Variants in PARP8 observed in about 807,000 individuals in gnomAD.
The protein encoded by PARP8 is poly(ADP-ribose) polymerase family member 8, also known as protein mono-ADP-ribosyltransferase PARP8.
PARP8 carries 51 observed loss-of-function variants against 124.1 expected under a neutral mutation model. That is an observed-to-expected ratio of 0.41 (90% CI 0.33 to 0.52). PARP8 has a LOEUF of 0.52. PARP8 is among the 20% of genes least tolerant of loss of function. The probability of loss-of-function intolerance (pLI) is 0.21; values close to 1 mark genes in which losing one functional copy is unlikely to be tolerated. For synonymous variants in PARP8, 391 were observed against 361.5 expected, an observed-to-expected ratio of 1.08 and a Z score of -0.93; for missense variants, 860 against 1,018.9, an observed-to-expected ratio of 0.84 and a Z score of 2.12.
At chr5:50,775,765 A>T (rs1739939315) in intron 7 of PARP8, among the ~76,000 whole-genome samples, 1 of 152,094 alleles carries the variant, frequency 6.6e-6, no homozygotes, top group Admixed American at 6.6e-5. Flanking sequence ...AATTTTACTA[A>T]ATTTGTTTAT....
chr5:50,803,423 T>A (rs1424861440), intron 14 of PARP8, among the ~76,000 whole-genome samples: 1 of 152,118 alleles, frequency 6.6e-6, no homozygotes, highest in African/African-American at 2.4e-5. Context: ...CCTCTTGCAA[T>A]TTTTCTCTCC....
chr5:50,754,135 A>G, intron 3 of PARP8, among the ~76,000 whole-genome samples: 1 of 13,580 alleles, frequency 7.4e-5, no homozygotes, highest in Non-Finnish European at 1.4e-4. Flanking sequence ...ATATATATAT[A>G]TATATATATA....
rs761991463 is a variant in PARP8 at position 50,741,510 on chromosome 5, GA to G, written c.147-8637del. ...GTTCTCTCAGGTTCCTCCCTGTTGA[GA>G]AAATAGCTTACTTAGAAGTCCAGAC... On this transcript the variant is annotated intron_variant, in intron 2 of 25. Transcript: ENST00000281631. Among the ~76,000 whole-genome samples, 110 of 152,292 alleles carry G rather than the reference GA, an allele frequency of 7.2e-4. 1 individual carries two copies. Among genetic ancestry groups the G allele is most frequent in the Middle Eastern group, 3.4e-3 (1 of 294 alleles).
In PARP8 at chr5:50,834,924, T is replaced by G. The variant is rs1747397167; in HGVS notation, c.2378-7T>G. 1 of 1,610,912 alleles carries G rather than the reference T, an allele frequency of 6.2e-7. No homozygotes were observed. Among genetic ancestry groups the G allele is most frequent in the Non-Finnish European group, 8.5e-7 (1 of 1,177,586 alleles). On this transcript the variant is annotated splice_polypyrimidine_tract_variant and splice_region_variant and intron_variant, in intron 24 of 25. Transcript: ENST00000281631. ...GTGGTTCTTTAATTTTATTTTCCAC[T>G]TAACAGTGATCACCTCATCTGACCT...
At chr5:50,677,723 T>G (rs1406594542) in intron 2 of PARP8, among the ~76,000 whole-genome samples, 2 of 152,200 alleles carry the variant, frequency 1.3e-5, no homozygotes, top group Admixed American at 1.3e-4. Flanking sequence ...ATGTCTTACA[T>G]GTACAGAATC....
At chr5:50,733,697 A>G (rs2149522274) in intron 2 of PARP8, among the ~76,000 whole-genome samples, 1 of 152,236 alleles carries the variant, frequency 6.6e-6, no homozygotes, top group African/African-American at 2.4e-5. Flanking sequence ...TAAAAGGGCA[A>G]TTTTTCTATA....
intron 2 of PARP8, among the ~76,000 whole-genome samples, chr5:50,734,745 T>C (rs987860841): frequency 7.9e-5 from 12 of 152,132 alleles, no homozygotes; most frequent in Non-Finnish European, 1.6e-4. Context: ...AATTTCTTCA[T>C]TGACTTATCT....
At chr5:50,796,329 A>G (rs532312305) in intron 12 of PARP8, among the ~76,000 whole-genome samples, 18 of 152,342 alleles carry the variant, frequency 1.2e-4, no homozygotes, top group Middle Eastern at 3.4e-3. Flanking sequence ...AAATTAAATT[A>G]TAAACTATAC....
chr5:50,819,933 A>G (rs1580454262), intron 15 of PARP8, among the ~76,000 whole-genome samples: 4 of 152,308 alleles, frequency 2.6e-5, no homozygotes, highest in African/African-American at 9.6e-5. Flanking sequence ...TGCTTGGAAT[A>G]TAACTTCTTG....
intron 9 of PARP8, among the ~76,000 whole-genome samples, 185 bp downstream of exon 9, chr5:50,778,835 G>GT (rs1561367834): frequency 6.6e-6 from 1 of 152,046 alleles, no homozygotes; most frequent in Non-Finnish European, 1.5e-5. Context: ...AAACAGAAAC[G>GT]TAAGATTTCA....
intron 12 of PARP8, among the ~76,000 whole-genome samples, chr5:50,795,854 G>A (rs1742482555): frequency 6.6e-6 from 1 of 152,144 alleles, no homozygotes; most frequent in Non-Finnish European, 1.5e-5. Flanking sequence ...ATATATAAGA[G>A]CACTCTGCCC....
At chr5:50,769,208 T>C (rs1483379531) in intron 7 of PARP8, among the ~76,000 whole-genome samples, 1 of 152,082 alleles carries the variant, frequency 6.6e-6, no homozygotes, top group East Asian at 1.9e-4. Flanking sequence ...TATTCCTTTA[T>C]GGTAAATTCT....
chr5:50,780,602 T>C (rs1580319335), intron 9 of PARP8, among the ~76,000 whole-genome samples: 1 of 152,318 alleles, frequency 6.6e-6, no homozygotes, highest in South Asian at 2.1e-4. Flanking sequence ...CATGGTTAGA[T>C]TATTTTAATG....
At chr5:50,778,418 C>T (rs2149610137) in intron 8 of PARP8, 142 bp from the exon 9 acceptor site, 2 of 666,374 alleles carry the variant, frequency 3.0e-6, no homozygotes, top group East Asian at 5.7e-5. Context: ...AATATTTTCA[C>T]AAAACAGTGG....
intron 24 of PARP8, among the ~76,000 whole-genome samples, chr5:50,834,277 A>G (rs574807999): frequency 1.3e-5 from 2 of 152,296 alleles, no homozygotes; most frequent in South Asian, 4.1e-4. Context: ...TTTCTGGCAG[A>G]TATTTCCAGA....
intron 2 of PARP8, among the ~76,000 whole-genome samples, chr5:50,735,034 C>A (rs190120401): frequency 1.3e-5 from 2 of 151,840 alleles, no homozygotes; most frequent in Non-Finnish European, 2.9e-5. Context: ...ATTCATCATG[C>A]GCAATGTAGG....
intron 2 of PARP8, among the ~76,000 whole-genome samples, chr5:50,700,885 G>T (rs141679819): frequency 3.9e-5 from 6 of 151,906 alleles, no homozygotes; most frequent in Non-Finnish European, 8.8e-5. Flanking sequence ...AATCCTCACC[G>T]TCATACTTGA....
chr5:50,673,855 T>A (rs1303037756), intron 2 of PARP8, among the ~76,000 whole-genome samples: 1 of 152,228 alleles, frequency 6.6e-6, no homozygotes, highest in Non-Finnish European at 1.5e-5. Context: ...GCAGCATTTT[T>A]AAAAAGACAT....
intron 2 of PARP8, among the ~76,000 whole-genome samples, chr5:50,723,277 T>C (rs1297102236): frequency 6.6e-6 from 1 of 152,118 alleles, no homozygotes; most frequent in African/African-American, 2.4e-5. Context: ...GTCCTGTCTT[T>C]CTTAGGAAGC....
Sources: allele counts gnomAD v4.1 joint callset (sites outside exome capture counted in the v4.1 genomes callset), GRCh38; gene constraint gnomAD v4.1.1; transcripts MANE v1.5; gene names NCBI Gene and HGNC (gene_info 2026-07-23, HGNC 2026-07-21).